The following MCM3AP variants were observed in gnomAD, a reference collection of about 807,000 sequenced individuals.
MCM3AP encodes minichromosome maintenance complex component 3 associated protein.
MCM3AP carries 126 observed loss-of-function variants against 184.1 expected under a neutral mutation model. The ratio of observed to expected loss-of-function variants is 0.68; its 90% CI spans 0.59 to 0.79. The LOEUF (loss-of-function observed/expected upper bound fraction) is 0.79, where lower values mean the gene tolerates loss of function less well. MCM3AP is among the 30% of genes least tolerant of loss of function. The pLI, the probability that MCM3AP is intolerant of heterozygous loss-of-function variation, is 0.00. For synonymous variants in MCM3AP, 1,002 were observed against 979.3 expected, an observed-to-expected ratio of 1.02 and a Z score of -0.43; for missense variants, 2,496 against 2,479.2, an observed-to-expected ratio of 1.01 and a Z score of -0.14.
At position 46,270,406 on chromosome 21, in the gene MCM3AP, T is replaced by G. The variant is rs2081164446; in HGVS notation, c.2623A>C (p.Ser875Arg). 7 of 1,610,188 alleles carry G rather than the reference T, an allele frequency of 4.3e-6. No individual in the cohort carries two copies. Among genetic ancestry groups the G allele is most frequent in the Non-Finnish European group, 5.9e-6 (7 of 1,178,770 alleles). ...LNACLLHCYF[S>R]QIRKDALRAL... The stretch of plus-strand genomic sequence containing the variant: ...AGCACAGCTCATTTACTCACCTGAC[T>G]GAAGTAACAGTGTAAAAGACAAGCG... Residue 875 changes from serine to arginine, a missense_variant, in exon 9 of 28, where the codon AGT becomes CGT. Around this residue, in one of 5 missense-constraint regions of MCM3AP, gnomAD observed 138 missense variants for 191.9 expected, o/e 0.72. Coordinates refer to ENST00000291688, the MANE Select transcript of MCM3AP (RefSeq NM_003906.5).
intron 8 of MCM3AP, 56 bp downstream of exon 8, chr21:46,272,504 TG>T: frequency 1.9e-6 from 3 of 1,547,104 alleles, no homozygotes; most frequent in African/African-American, 2.7e-5. Flanking sequence ...GCTCTTCTCC[TG>T]TTTAAAGCCT....
In MCM3AP at chr21:46,272,818, C is replaced by G; in HGVS notation, c.2208G>C (p.Gln736His). The change falls in exon 8 of 28, where the codon CAG (glutamine) becomes CAC (histidine). Residue 736 changes from glutamine (Q) to histidine (H), a missense_variant. Gln to His is a conservative substitution (Grantham distance 24, BLOSUM62 0). Transcript: ENST00000291688. ...CCGTCAGGGGGTCACAGAGGTGCTG[C>G]TGCGTGATATCCTGGCCACAGGCGA... ...RTRGIRKDITQQHLCDPLTVS... is the reference protein window; with the variant it reads ...RTRGIRKDITHQHLCDPLTVS... The G allele has an allele frequency of 1.9e-6, 3 of 1,593,866 alleles. No individual in the cohort carries two copies. Among genetic ancestry groups the G allele is most frequent in the East Asian group, 2.2e-5 (1 of 44,662 alleles).
At chr21:46,258,628 C>T (rs150014110) in intron 16 of MCM3AP, among the ~76,000 whole-genome samples, 177 of 152,246 alleles carry the variant, frequency 1.2e-3, no homozygotes, top group Non-Finnish European at 2.0e-3. Flanking sequence ...ATAGCTGTCT[C>T]CCAGCACCTA....
At chr21:46,255,588 G>A (rs537166095) in intron 17 of MCM3AP, among the ~76,000 whole-genome samples, 13 of 152,056 alleles carry the variant, frequency 8.5e-5, no homozygotes, top group East Asian at 1.9e-4. Flanking sequence ...AGGACAGGAC[G>A]GCATCCTATG....
rs2081369315 is a variant in MCM3AP at position 46,284,147 on chromosome 21, C to G, written c.1140G>C (p.Gly380=). 2 of 1,614,224 alleles carry G rather than the reference C, an allele frequency of 1.2e-6. No homozygotes were observed. Among genetic ancestry groups the G allele is most frequent in the East Asian group, 2.2e-5 (1 of 44,886 alleles). ...GGGAAGGTGCCAGGACAGACTGATT[C>G]CCTCCTGGGATAGCCATGTGGTCAC... ...AESDHMAIPG[G]NQSVLAPSRI... Residue 380 remains glycine, a synonymous_variant, in exon 1 of 28, where the codon GGG becomes GGC. Transcript: ENST00000291688.
At position 46,278,613 on chromosome 21, in the gene MCM3AP, C is replaced by A. The variant is rs115963934; in HGVS notation, c.1668-896G>T. On this transcript the variant is annotated intron_variant, in intron 4 of 27. Transcript: ENST00000291688. The stretch of plus-strand genomic sequence containing the variant: ...GGTTAACACAACTAACATGGCCGAC[C>A]GTGTCTGCTTCACTGTGATAAGCTG... Among the ~76,000 whole-genome samples, 1,243 of 152,220 alleles carry A rather than the reference C, an allele frequency of 8.2e-3. 15 individuals are homozygous for A. Among genetic ancestry groups the A allele is most frequent in the African/African-American group, 0.029 (1,185 of 41,528 alleles).
In MCM3AP at chr21:46,261,732, CAAA is replaced by C. The variant is rs58763611; in HGVS notation, c.3336-324_3336-322del. Among the ~76,000 whole-genome samples the C allele has an allele frequency of 1.3e-3, 145 of 110,932 alleles. No individual in the cohort carries two copies. The East Asian group carries it at 0.021, about 16-fold the overall frequency. 72.8% of individuals were successfully genotyped at this position (110,932 alleles called of 152,430 possible). ...TGGGCGACACAGCGAGACTCTGTCT[CAAA>C]AAAAAAAAAAAAAAGAAAGAAAAAT... On this transcript the variant is annotated intron_variant, in intron 13 of 27. Transcript: ENST00000291688.
rs141757607 is a variant in MCM3AP at position 46,235,388 on chromosome 21, C to T, written c.5823G>A (p.Ala1941=). 112 of 1,614,072 alleles carry T rather than the reference C, an allele frequency of 6.9e-5. No individual in the cohort carries two copies. The highest frequency in any genetic ancestry group is 5.3e-4 in the East Asian group (24 of 44,874). Residue 1941 remains alanine, a synonymous_variant, in exon 28 of 28, where the codon GCG becomes GCA. Coordinates refer to ENST00000291688, the MANE Select transcript of MCM3AP (RefSeq NM_003906.5). Reference sequence around the variant, plus strand: ...GTCGTTCGCCTAGACACGTTCCTGTCGCCTCTGACAGCTGCAGTTGCTCCC... The same window carrying T: ...GTCGTTCGCCTAGACACGTTCCTGTTGCCTCTGACAGCTGCAGTTGCTCCC... The part of the protein sequence containing the change: ...MMREQLQLSE[A]TGTCLGERLK...
intron 10 of MCM3AP, 156 bp downstream of exon 10, chr21:46,266,826 C>G (rs1048572033): frequency 2.6e-6 from 2 of 765,206 alleles, no homozygotes; most frequent in South Asian, 3.8e-5. Flanking sequence ...ACCTTGGGAA[C>G]ACCCCCAGCC....
chr21:46,265,445 G>A lies in MCM3AP; in HGVS notation c.3110C>T (p.Ala1037Val), dbSNP rs150103441. 85 of 1,613,978 alleles carry A rather than the reference G, an allele frequency of 5.3e-5. No individual in the cohort carries two copies. The highest frequency in any genetic ancestry group is 2.9e-4 in the African/African-American group (22 of 75,044). The change falls in exon 12 of 28, where the codon GCG becomes GTG. Residue 1037 changes from alanine to valine, a missense_variant. By Grantham distance (64) the Ala-to-Val change is moderately conservative (BLOSUM62 0). Around this residue, in one of 5 missense-constraint regions of MCM3AP, gnomAD observed 1,323 missense variants for 1,273.4 expected, o/e 1.04. Transcript: ENST00000291688. ...SSLPQSLPAP[A>V]PSPVPLPPVL... ...AGGAGGCAGAGGCACTGGTGAGGGC[G>A]CAGGGGCTGGTAGAGACTGTGGGAG...
chr21:46,236,333 TA>T (rs1347370134), intron 27 of MCM3AP: 1 of 151,212 alleles, frequency 6.6e-6, no homozygotes, highest in Non-Finnish European at 1.5e-5. Context: ...AATGGTAAGG[TA>T]AAAAGACCTT....
chr21:46,246,318 C>G lies in MCM3AP; in HGVS notation c.4636G>C (p.Gly1546Arg). Residue 1546 changes from glycine (G) to arginine (R), a missense_variant, in exon 22 of 28, where the codon GGT becomes CGT. Gly to Arg is a moderately radical substitution (Grantham distance 125). Coordinates refer to ENST00000291688, the MANE Select transcript of MCM3AP (RefSeq NM_003906.5). The stretch of plus-strand genomic sequence containing the variant: ...TGATGAAACCTTACCTTAGTTGAAC[C>G]TTGTAGATCATTAATGGTATCAGGG... ...EIPDTINDLQGSTKVLQAVQW... is the reference protein window; with the variant it reads ...EIPDTINDLQRSTKVLQAVQW... 6.2e-7 allele frequency: 1 copy of G among 1,604,446 alleles called. No homozygotes were observed.
In MCM3AP at chr21:46,240,881, C is replaced by T. The variant is rs562741625; in HGVS notation, c.5563G>A (p.Ala1855Thr). 8.7e-6 allele frequency: 14 copies of T among 1,614,138 alleles called. No homozygotes were observed. Among genetic ancestry groups the T allele is most frequent in the Middle Eastern group, 3.3e-4 (2 of 6,084 alleles). The change falls in exon 26 of 28, where the codon GCT becomes ACT. Residue 1855 changes from alanine (A) to threonine (T), a missense_variant. Around this residue, in one of 5 missense-constraint regions of MCM3AP, gnomAD observed 1,323 missense variants for 1,273.4 expected, o/e 1.04. Transcript: ENST00000291688. ...IPSTEDLMRG[A>T]SAEELLAQCL... ...TGCGCCAAGAGCTCCTCAGCAGAAG[C>T]TCCTCGCATCAGATCCTCTGTGCTG...
At chr21:46,269,722 T>C (rs1275036424) in intron 9 of MCM3AP, among the ~76,000 whole-genome samples, 2 of 152,184 alleles carry the variant, frequency 1.3e-5, no homozygotes, top group African/African-American at 4.8e-5. Flanking sequence ...GCTGCCAGAA[T>C]GGGCAGCAGA....
At chr21:46,266,204 A>C (rs977392985) in intron 10 of MCM3AP, 38 bp from the exon 11 acceptor site, 50 of 1,563,806 alleles carry the variant, frequency 3.2e-5, no homozygotes, top group Non-Finnish European at 4.3e-5. Flanking sequence ...GGGTGTCACC[A>C]GGGGAGAAGA....
Position 46,284,471 on chromosome 21 carries a change from C to T in MCM3AP, c.816G>A (p.Gln272=). ...PFQASKAGVR[Q]GCEEAVSQVE... is the part of the protein sequence containing the mutation. ...CCTGGGAAACAGCTTCTTCACACCC[C>T]TGCCTGACACCTGCTTTGCTAGCCT... Residue 272 remains glutamine, a synonymous_variant, in exon 1 of 28, where the codon CAG becomes CAA. Coordinates refer to ENST00000291688, the MANE Select transcript of MCM3AP (RefSeq NM_003906.5). 6.2e-7 allele frequency: 1 copy of T among 1,614,190 alleles called. No homozygotes were observed. Among genetic ancestry groups the T allele is most frequent in the Non-Finnish European group, 8.5e-7 (1 of 1,180,044 alleles).
At position 46,251,595 on chromosome 21, in the gene MCM3AP, C is replaced by T. The variant is rs756649954; in HGVS notation, c.4224G>A (p.Thr1408=). Residue 1408 remains threonine, a synonymous_variant, in exon 20 of 28, where the codon ACG becomes ACA. Coordinates refer to ENST00000291688, the MANE Select transcript of MCM3AP (RefSeq NM_003906.5). ...TGCTAAGTGAGTTGAAAAGCGAAAG[C>T]GTCTGAATCCCACCAGCATCGCTGG... ...DTSSDAGGIQ[T]LSLFNSLSSK... is the part of the protein sequence containing the mutation. 29 of 1,612,618 alleles carry T rather than the reference C, an allele frequency of 1.8e-5. No homozygotes were observed. The highest frequency in any genetic ancestry group is 4.4e-5 in the South Asian group (4 of 91,026).
intron 15 of MCM3AP, among the ~76,000 whole-genome samples, chr21:46,260,307 C>G (rs1157584998): frequency 2.0e-5 from 3 of 152,182 alleles, no homozygotes; most frequent in African/African-American, 7.2e-5. Flanking sequence ...GAGACAGGGT[C>G]TCACTATGTT....
intron 8 of MCM3AP, 131 bp from the exon 9 acceptor site, chr21:46,270,694 G>A (rs1333302790): frequency 8.0e-6 from 6 of 751,872 alleles, no homozygotes; most frequent in Admixed American, 2.9e-5. Flanking sequence ...ATCCCAAAAC[G>A]TGGGGAGGCC....
Sources: allele counts gnomAD v4.1 joint callset (sites outside exome capture counted in the v4.1 genomes callset), GRCh38; gene constraint gnomAD v4.1.1; regional missense constraint gnomAD v4.1.1; transcripts MANE v1.5; gene names NCBI Gene and HGNC (gene_info 2026-07-23, HGNC 2026-07-21).